The following MIB1 variants were observed in gnomAD, a reference collection of about 807,000 sequenced individuals.
MIB1 encodes the protein MIB E3 ubiquitin protein ligase 1, also known as E3 ubiquitin-protein ligase MIB1.
MIB1 carries 278 observed loss-of-function variants against 124.5 expected under a neutral mutation model. That is an observed-to-expected ratio of 2.23 (90% CI 2.02 to 2.47). The LOEUF (loss-of-function observed/expected upper bound fraction) is 2.47. Ranked by LOEUF, MIB1 falls within the 30% of genes most tolerant of loss-of-function variation. The probability of loss-of-function intolerance (pLI) is 0.00; values close to 1 mark genes in which losing one functional copy is unlikely to be tolerated. For missense variants in MIB1, 957 were observed against 1,254.4 expected (o/e 0.76, Z 3.58); for synonymous variants, 446 against 429.4 (o/e 1.04, Z -0.48).
At chr18:21,730,233 G>A (rs1019330430) in intron 1 of MIB1, among the ~76,000 whole-genome samples, 1 of 151,892 alleles carries the variant, frequency 6.6e-6, no homozygotes, top group Non-Finnish European at 1.5e-5. Flanking sequence ...CCTTTCTTCG[G>A]CTCATATTTC....
chr18:21,710,946 C>G (rs1348342371), intron 1 of MIB1, among the ~76,000 whole-genome samples: 1 of 151,468 alleles, frequency 6.6e-6, no homozygotes, highest in African/African-American at 2.4e-5. Context: ...CCTGCATCAG[C>G]CTCCCAAGTA....
intron 2 of MIB1, among the ~76,000 whole-genome samples, chr18:21,766,337 T>A (rs1292417247): frequency 6.6e-6 from 1 of 152,210 alleles, no homozygotes; most frequent in African/African-American, 2.4e-5. Flanking sequence ...CTATACAACA[T>A]CTACTATGTT....
At chr18:21,737,036 G>T (rs947337485), upstream of MIB1, among the ~76,000 whole-genome samples, 2 of 152,224 alleles carry the variant, frequency 1.3e-5, no homozygotes, top group Non-Finnish European at 2.9e-5. Context: ...GATACTCCTC[G>T]AGAAGAGCAA....
chr18:21,723,372 T>C (rs2040723478), intron 1 of MIB1, among the ~76,000 whole-genome samples: 1 of 152,138 alleles, frequency 6.6e-6, no homozygotes, highest in African/African-American at 2.4e-5. Flanking sequence ...TTTCCCTTAT[T>C]CTTATTGCAG....
At chr18:21,749,095 G>A (rs556512145) in intron 1 of MIB1, among the ~76,000 whole-genome samples, 3 of 151,984 alleles carry the variant, frequency 2.0e-5, no homozygotes, top group South Asian at 2.1e-4. Flanking sequence ...TGTATACATA[G>A]TTTGTTTCAT....
At chr18:21,765,751 C>T (rs764303494) in intron 1 of MIB1, 21 bp from the exon 2 acceptor site, 3 of 1,604,696 alleles carry the variant, frequency 1.9e-6, no homozygotes, top group Admixed American at 1.7e-5. Context: ...TTAATCTGAG[C>T]ATGTGTCCTT....
At position 21,741,589 on chromosome 18, in the gene MIB1, T is replaced by C. The variant is rs2040852334; in HGVS notation, c.6T>C (p.Ser2=). 1.3e-6 allele frequency: 2 copies of C among 1,520,360 alleles called. No homozygotes were observed. Among genetic ancestry groups the C allele is most frequent in the East Asian group, 5.3e-5 (2 of 37,744 alleles). 94.2% of individuals were successfully genotyped at this position (1,520,360 alleles called of 1,614,324 possible). The part of the protein sequence containing the change: M[S]NSRNNRVMVE... ...AGCCCACCGCCCGGGCCCCGATGAG[T>C]AACTCCCGGAATAACCGGGTGATGG... Residue 2 remains serine, a synonymous_variant, in exon 1 of 21, where the codon AGT becomes AGC. Transcript: ENST00000261537. The surrounding 1 kb of genome is among the most constrained non-coding windows in gnomAD (Gnocchi z 5.4).
chr18:21,730,369 C>G (rs1206158365), intron 1 of MIB1, among the ~76,000 whole-genome samples: 3 of 152,190 alleles, frequency 2.0e-5, no homozygotes, highest in Non-Finnish European at 4.4e-5. Context: ...GAGTTCAAGA[C>G]CAGCCTGGCC....
chr18:21,741,762 A>G lies in MIB1; in HGVS notation c.179A>G (p.Tyr60Cys). 1 of 1,610,204 alleles carries G rather than the reference A, an allele frequency of 6.2e-7. No individual in the cohort carries two copies. The highest frequency in any genetic ancestry group is 8.5e-7 in the Non-Finnish European group (1 of 1,178,952). The stretch of plus-strand genomic sequence containing the variant: ...TGGGACAACGGCACAGCTGCCAACT[A>G]CCGCTGCTCCGGGGCTTACGACCTC... ...VVWDNGTAAN[Y>C]RCSGAYDLRI... Residue 60 changes from tyrosine (Y) to cysteine (C), a missense_variant, in exon 1 of 21, where the codon TAC becomes TGC. Physicochemically the swap from Tyr to Cys is radical, Grantham distance 194 (BLOSUM62 -2). Transcript: ENST00000261537. This position sits in a 1 kb window ranked among gnomAD's most constrained non-coding sequence, Gnocchi z 5.4.
intron 13 of MIB1, among the ~76,000 whole-genome samples, chr18:21,841,991 A>G (rs8086808): frequency 0.99 from 149,677 of 151,368 alleles, 74,036 homozygotes; most frequent in East Asian, 1. Flanking sequence ...TGACACTCGG[A>G]AGGCTAAGGC....
chr18:21,808,094 T>TA (rs1304599102), intron 10 of MIB1, among the ~76,000 whole-genome samples: 2 of 152,234 alleles, frequency 1.3e-5, no homozygotes. Flanking sequence ...CTGAAAATGT[T>TA]AAAAAACTTT....
chr18:21,829,693 TTTTC>T (rs1361378547), intron 12 of MIB1, among the ~76,000 whole-genome samples: 2 of 152,102 alleles, frequency 1.3e-5, no homozygotes, highest in Admixed American at 1.3e-4. Flanking sequence ...TGTCATTCTT[TTTTC>T]TTTATTAGTT....
chr18:21,827,167 T>C (rs1251853347), intron 12 of MIB1: 1 of 152,132 alleles, frequency 6.6e-6, no homozygotes, highest in African/African-American at 2.4e-5. Context: ...GTTGAAATGT[T>C]TGAGTTATAC....
chr18:21,798,224 TG>T lies in MIB1; in HGVS notation c.1235del (p.Gly412ValfsTer8). The T allele has an allele frequency of 1.2e-6, 2 of 1,612,938 alleles. No individual in the cohort carries two copies. Among genetic ancestry groups the T allele is most frequent in the Non-Finnish European group, 1.7e-6 (2 of 1,179,158 alleles). ...SAGSAISNAS[G>X]ERLSQLLKKL... is the part of the protein sequence containing the mutation. ...CAGGATCAGCCATTAGCAATGCATCTGGTGGTATGTTTTATATTGTGTTTCT... is the reference window on the plus strand; with the variant it reads ...CAGGATCAGCCATTAGCAATGCATCTGTGGTATGTTTTATATTGTGTTTCT... On this transcript the variant is annotated frameshift_variant, in exon 8 of 21. Coordinates refer to ENST00000261537, the MANE Select transcript of MIB1 (RefSeq NM_020774.4). LOFTEE classifies it high-confidence loss of function.
intron 4 of MIB1, among the ~76,000 whole-genome samples, chr18:21,775,607 T>C (rs1228581696): frequency 6.6e-6 from 1 of 152,208 alleles, no homozygotes; most frequent in Non-Finnish European, 1.5e-5. Context: ...AGTTGCCAAT[T>C]TTTATTATTG....
intron 1 of MIB1, among the ~76,000 whole-genome samples, chr18:21,711,331 GAGTGCAGT>G (rs2040664728): frequency 6.6e-6 from 1 of 151,504 alleles, no homozygotes; most frequent in Admixed American, 6.6e-5. Context: ...ACAAAAGCTG[GAGTGCAGT>G]AGTGCAATCT....
At position 21,848,891 on chromosome 18, in the gene MIB1, A is replaced by G. The variant is rs546300543; in HGVS notation, c.2394-305A>G. The stretch of plus-strand genomic sequence containing the variant: ...ATATAGATACAACAGGTTCTGAGCA[A>G]AATTTTGTTTATGCTAAGTTTTTTT... On this transcript the variant is annotated intron_variant, in intron 16 of 20. Coordinates refer to ENST00000261537, the MANE Select transcript of MIB1 (RefSeq NM_020774.4). Among the ~76,000 whole-genome samples the G allele has an allele frequency of 7.9e-5, 12 of 152,168 alleles. No homozygotes were observed. The East Asian group carries it at 2.1e-3, about 27-fold the overall frequency.
intron 20 of MIB1, among the ~76,000 whole-genome samples, chr18:21,861,930 C>G (rs1256475132): frequency 2.0e-5 from 3 of 151,684 alleles, no homozygotes; most frequent in Non-Finnish European, 4.4e-5. Flanking sequence ...GAGACAGGAT[C>G]TTACTCTGTC....
chr18:21,736,820 A>C (rs201347292), upstream of MIB1, among the ~76,000 whole-genome samples: 3 of 152,206 alleles, frequency 2.0e-5, no homozygotes, highest in East Asian at 5.8e-4. Flanking sequence ...TTAGAGAAAA[A>C]AGAGTGAAAA....
Sources: allele counts gnomAD v4.1 joint callset (sites outside exome capture counted in the v4.1 genomes callset), GRCh38; gene constraint gnomAD v4.1.1; non-coding constraint Gnocchi (gnomAD v3.1); transcripts MANE v1.5; gene names NCBI Gene and HGNC (gene_info 2026-07-23, HGNC 2026-07-21).